The following BTBD9 variants were observed in gnomAD, a reference collection of about 807,000 sequenced individuals.
BTBD9 encodes BTB/POZ domain-containing protein 9.
In BTBD9, 49 loss-of-function variants were observed where a neutral mutation model predicts 64.3. That is an observed-to-expected ratio of 0.76 (90% CI 0.61 to 0.97). The LOEUF is 0.97. Among genes scored for constraint, BTBD9 ranks in the 50% least tolerant of loss-of-function variants. The pLI is 0.00. For missense variants in BTBD9, 598 were observed against 762.1 expected (o/e 0.78, Z 2.53); for synonymous variants, 260 against 274.7 (o/e 0.95, Z 0.53).
intron 9 of BTBD9, among the ~76,000 whole-genome samples, chr6:38,208,757 TAC>T (rs1413459555): frequency 6.6e-6 from 1 of 152,222 alleles, no homozygotes; most frequent in Non-Finnish European, 1.5e-5. Context: ...TGTCCAGACT[TAC>T]AGGGAATTCT....
chr6:38,476,264 A>G (rs6920488), intron 6 of BTBD9, among the ~76,000 whole-genome samples: 40,372 of 152,078 alleles, frequency 0.27, 6,078 homozygotes, highest in East Asian at 0.52. Context: ...TTAAAAGCAT[A>G]ATTCAGTGTA....
chr6:38,302,051 C>T (rs1009400085), intron 7 of BTBD9, among the ~76,000 whole-genome samples: 2 of 152,106 alleles, frequency 1.3e-5, no homozygotes, highest in African/African-American at 2.4e-5. Context: ...TGTTTCGATA[C>T]GTGTATACAC....
chr6:38,224,768 AGAGC>A (rs1763334270), intron 9 of BTBD9, among the ~76,000 whole-genome samples: 1 of 152,262 alleles, frequency 6.6e-6, no homozygotes, highest in African/African-American at 2.4e-5. Flanking sequence ...ATATTTAATC[AGAGC>A]TATCCAAATA....
chr6:38,541,608 C>A (rs982259755), intron 6 of BTBD9, among the ~76,000 whole-genome samples: 1 of 152,112 alleles, frequency 6.6e-6, no homozygotes, highest in African/African-American at 2.4e-5. Context: ...CATGGTGGCA[C>A]GTGCCTGTAG....
At chr6:38,498,397 ATTAT>A (rs752669356) in intron 6 of BTBD9, among the ~76,000 whole-genome samples, 5 of 149,384 alleles carry the variant, frequency 3.3e-5, no homozygotes, top group Non-Finnish European at 7.4e-5. Flanking sequence ...AATTTCTTTC[ATTAT>A]TTAGAGACAC....
At chr6:38,569,669 C>G (rs531335865) in intron 6 of BTBD9, among the ~76,000 whole-genome samples, 67 of 152,242 alleles carry the variant, frequency 4.4e-4, no homozygotes, top group African/African-American at 1.6e-3. Context: ...AGAAGCTCAA[C>G]ATGTTATTAT....
At position 38,417,800 on chromosome 6, in the gene BTBD9, GAA is replaced by G. The variant is rs10694538; in HGVS notation, c.1155-72709_1155-72708del. Among the ~76,000 whole-genome samples, 237 of 143,038 alleles carry G rather than the reference GAA, an allele frequency of 1.7e-3. 2 individuals carry two copies. Among genetic ancestry groups the G allele is most frequent in the Non-Finnish European group, 1.6e-3 (106 of 66,476 alleles). 93.8% of individuals were successfully genotyped at this position (143,038 alleles called of 152,430 possible). A position where few individuals can be genotyped will look rare whatever the true frequency, so the allele number is the denominator to read the frequency against. On this transcript the variant is annotated intron_variant, in intron 6 of 10. Coordinates refer to ENST00000481247, the MANE Select transcript of BTBD9 (RefSeq NM_001099272.2). ...GGAGAGAGAGAGAGAGAGAGAGAGA[GAA>G]AAAAAATATTGACACATAACTGGTA... is the stretch of plus-strand genomic sequence containing the variant.
At chr6:38,501,431 G>GT (rs1475660143) in intron 6 of BTBD9, among the ~76,000 whole-genome samples, 1 of 152,200 alleles carries the variant, frequency 6.6e-6, no homozygotes, top group Non-Finnish European at 1.5e-5. Context: ...CACTCAACCT[G>GT]TATCTTCAGT....
chr6:38,211,233 T>C (rs900417067), intron 9 of BTBD9, among the ~76,000 whole-genome samples: 22 of 151,870 alleles, frequency 1.4e-4, no homozygotes, highest in African/African-American at 5.1e-4. Context: ...ATCGAGACCA[T>C]CCTGGCTAAC....
At chr6:38,551,957 G>C (rs1165723023) in intron 6 of BTBD9, among the ~76,000 whole-genome samples, 1 of 152,172 alleles carries the variant, frequency 6.6e-6, no homozygotes, top group Non-Finnish European at 1.5e-5. Flanking sequence ...GAAATTATTA[G>C]GGATTTTAAG....
At chr6:38,446,134 G>T (rs1211926468) in intron 6 of BTBD9, among the ~76,000 whole-genome samples, 4 of 152,114 alleles carry the variant, frequency 2.6e-5, no homozygotes, top group Non-Finnish European at 5.9e-5. Flanking sequence ...CACTCACATG[G>T]CTCAGATAAC....
chr6:38,265,252 G>C (rs1370660366), intron 8 of BTBD9, among the ~76,000 whole-genome samples: 1 of 152,036 alleles, frequency 6.6e-6, no homozygotes, highest in Non-Finnish European at 1.5e-5. Context: ...CCACTGTGTA[G>C]GCTGGCTCAT....
At chr6:38,596,782 C>CA (rs1777049590) in intron 2 of BTBD9, among the ~76,000 whole-genome samples, 1 of 127,864 alleles carries the variant, frequency 7.8e-6, no homozygotes. Context: ...GCCTGGGCGA[C>CA]AGAGTGAGAC....
intron 6 of BTBD9, among the ~76,000 whole-genome samples, chr6:38,348,984 C>A (rs58907208): frequency 0.016 from 2,397 of 152,264 alleles, 68 homozygotes; most frequent in African/African-American, 0.054. Context: ...TCATGCCTCA[C>A]TGCAGCCTCA....
intron 9 of BTBD9, among the ~76,000 whole-genome samples, chr6:38,211,206 G>C (rs1762821888): frequency 6.6e-6 from 1 of 152,202 alleles, no homozygotes; most frequent in African/African-American, 2.4e-5. Flanking sequence ...GAGGCGGGTG[G>C]ATCACGAGGT....
intron 1 of BTBD9, among the ~76,000 whole-genome samples, chr6:38,612,014 G>A (rs989420124): frequency 2.6e-5 from 4 of 152,118 alleles, no homozygotes; most frequent in South Asian, 4.2e-4. Context: ...CCTTAACAAC[G>A]CTATTATCCT....
rs1773464726 is a variant in BTBD9 at position 38,525,913 on chromosome 6, T to C, written c.1154+51687A>G. On this transcript the variant is annotated intron_variant, in intron 6 of 10. Coordinates refer to ENST00000481247, the MANE Select transcript of BTBD9 (RefSeq NM_001099272.2). ...TAATATTTAAAAGGGAATAAGAGTG[T>C]AAAAGTTTGGAAAATTTGCAGCCTG... Among the ~76,000 whole-genome samples the C allele has an allele frequency of 2.0e-5, 3 of 152,164 alleles. No homozygotes were observed. The South Asian group carries it at 6.2e-4, about 32-fold the overall frequency.
chr6:38,448,746 G>A (rs1171230942), intron 6 of BTBD9, among the ~76,000 whole-genome samples: 1 of 152,148 alleles, frequency 6.6e-6, no homozygotes, highest in Admixed American at 6.5e-5. Context: ...TCCAACTCCT[G>A]GCCTCAAGTG....
chr6:38,282,568 T>C (rs1039253981), intron 8 of BTBD9, among the ~76,000 whole-genome samples: 1 of 152,118 alleles, frequency 6.6e-6, no homozygotes, highest in African/African-American at 2.4e-5. Context: ...CACTGAAACA[T>C]GGGTGGTGGT....
Sources: allele counts gnomAD v4.1 joint callset (sites outside exome capture counted in the v4.1 genomes callset), GRCh38; gene constraint gnomAD v4.1.1; transcripts MANE v1.5; gene names NCBI Gene and HGNC (gene_info 2026-07-23, HGNC 2026-07-21).